The following MARCHF6 variants were observed in gnomAD, a reference collection of about 807,000 sequenced individuals.
MARCHF6 encodes the protein E3 ubiquitin-protein ligase MARCHF6.
In MARCHF6, 31 loss-of-function variants were observed where a neutral mutation model predicts 133.7. The observed-to-expected ratio is 0.23, with a 90% confidence interval of 0.17 to 0.31. The LOEUF (loss-of-function observed/expected upper bound fraction) is 0.31. MARCHF6 is among the 10% of genes least tolerant of loss of function. MARCHF6 has a pLI of 1.00. For missense variants in MARCHF6, 723 were observed against 1,121.6 expected (o/e 0.64, Z 5.08); for synonymous variants, 395 against 402.5 (o/e 0.98, Z 0.22).
intron 2 of MARCHF6, among the ~76,000 whole-genome samples, chr5:10,378,508 T>C (rs1404467054): frequency 1.3e-5 from 2 of 152,194 alleles, no homozygotes; most frequent in Non-Finnish European, 2.9e-5. Flanking sequence ...TCATTTTGCT[T>C]TGAGGAAATT....
chr5:10,405,023 A>G (rs376209436), intron 15 of MARCHF6, among the ~76,000 whole-genome samples: 17 of 152,336 alleles, frequency 1.1e-4, no homozygotes, highest in African/African-American at 3.8e-4. Flanking sequence ...TAGAAATCAC[A>G]CACTGTAACC....
At position 10,353,766 on chromosome 5, in the gene MARCHF6, TCCTCTCGCTTCC is replaced by T; in HGVS notation, c.-132_-121del. 1 of 685,260 alleles carries T rather than the reference TCCTCTCGCTTCC, an allele frequency of 1.5e-6. No homozygotes were observed. Among genetic ancestry groups the T allele is most frequent in the Non-Finnish European group, 2.5e-6 (1 of 407,254 alleles). The allele number at this position is 685,260 out of a possible 1,614,324, so 42.4% of individuals were successfully genotyped here. ...TCTCCCTCTCCCTCTCCCCTCTCCTTCCTCTCGCTTCCTCTCTCGCACCTGAGCGTACGCACC... is the reference window on the plus strand; with the variant it reads ...TCTCCCTCTCCCTCTCCCCTCTCCTTTCTCTCGCACCTGAGCGTACGCACC... On this transcript the variant is annotated 5_prime_UTR_variant, in exon 1 of 26. Transcript: ENST00000274140.
chr5:10,394,068 A>G lies in MARCHF6; in HGVS notation c.767-14A>G. 1.4e-6 allele frequency: 2 copies of G among 1,468,272 alleles called. No homozygotes were observed. Among genetic ancestry groups the G allele is most frequent in the Non-Finnish European group, 1.8e-6 (2 of 1,090,600 alleles). The allele number at this position is 1,468,272 out of a possible 1,614,324, so 91.0% of individuals were successfully genotyped here. On this transcript the variant is annotated splice_polypyrimidine_tract_variant and intron_variant, in intron 7 of 25. Transcript: ENST00000274140. ...TTACTTCAAGTAATCTTTAAATTGC[A>G]ATTATATTTTCAGATGACATGAATT...
chr5:10,406,182 A>C (rs577346702), intron 16 of MARCHF6, among the ~76,000 whole-genome samples: 1 of 152,290 alleles, frequency 6.6e-6, no homozygotes, highest in South Asian at 2.1e-4. Context: ...ATCCCGTTGA[A>C]AACTGTTTTC....
At position 10,433,647 on chromosome 5, in the gene MARCHF6, G is replaced by T. The variant is rs538477547; in HGVS notation, c.2696G>T (p.Gly899Val). 6.2e-7 allele frequency: 1 copy of T among 1,614,192 alleles called. No homozygotes were observed. Among genetic ancestry groups the T allele is most frequent in the African/African-American group, 1.3e-5 (1 of 75,054 alleles). ...TACGAACGGAAATCTGGCAAACAAGGCTCATCTCCACCACCTCCACAGTCA... is the reference window on the plus strand; with the variant it reads ...TACGAACGGAAATCTGGCAAACAAGTCTCATCTCCACCACCTCCACAGTCA... ...VNYERKSGKQ[G>V]SSPPPPQSSQ... The change falls in exon 26 of 26, where the codon GGC becomes GTC. Residue 899 changes from glycine (G) to valine (V), a missense_variant. This residue lies in a region of MARCHF6 where 492 missense variants were observed against 699.5 expected (regional missense o/e 0.70). Transcript: ENST00000274140.
intron 11 of MARCHF6, 92 bp from the exon 12 acceptor site, chr5:10,401,967 T>C (rs1283982073): frequency 1.3e-6 from 1 of 760,992 alleles, no homozygotes; most frequent in South Asian, 1.6e-5. Context: ...TCAACAATTC[T>C]CTTTTAGTCA....
At chr5:10,428,959 C>G (rs933330775) in intron 24 of MARCHF6, among the ~76,000 whole-genome samples, 2 of 152,094 alleles carry the variant, frequency 1.3e-5, no homozygotes, top group African/African-American at 4.8e-5. Flanking sequence ...ACATGTTATT[C>G]TTAGGGTAGC....
At chr5:10,391,419 C>A in intron 6 of MARCHF6, 123 bp from the exon 7 acceptor site, 1 of 666,824 alleles carries the variant, frequency 1.5e-6, no homozygotes, top group Non-Finnish European at 2.4e-6. Flanking sequence ...AGGCATGAGC[C>A]ACTACACCTG....
At chr5:10,371,344 T>G (rs970982224) in intron 1 of MARCHF6, among the ~76,000 whole-genome samples, 5 of 151,994 alleles carry the variant, frequency 3.3e-5, no homozygotes, top group Non-Finnish European at 7.4e-5. Flanking sequence ...GTAGGTGTAT[T>G]AGTCTGTTTT....
chr5:10,381,985 A>G (rs771068671), intron 4 of MARCHF6, 42 bp downstream of exon 4: 8 of 1,557,590 alleles, frequency 5.1e-6, no homozygotes, highest in African/African-American at 1.4e-5. Context: ...TAAACATTGC[A>G]TAACTACTTA....
At chr5:10,413,108 G>A (rs1739321168) in intron 19 of MARCHF6, among the ~76,000 whole-genome samples, 1 of 152,164 alleles carries the variant, frequency 6.6e-6, no homozygotes, top group Non-Finnish European at 1.5e-5. Flanking sequence ...TCCCCTTGAG[G>A]GGCATATCTC....
At chr5:10,375,711 G>A (rs192268567) in intron 1 of MARCHF6, among the ~76,000 whole-genome samples, 20 of 152,356 alleles carry the variant, frequency 1.3e-4, no homozygotes, top group African/African-American at 4.1e-4. Flanking sequence ...CTCAAGGTTT[G>A]TGAGTGCACC....
At chr5:10,353,956 G>A in intron 1 of MARCHF6, 39 bp downstream of exon 1, 1 of 1,532,196 alleles carries the variant, frequency 6.5e-7, no homozygotes, top group Non-Finnish European at 8.7e-7. Flanking sequence ...CCTTGCGTCG[G>A]CGCCCGGGTT....
At chr5:10,386,891 C>T in intron 4 of MARCHF6, 103 bp from the exon 5 acceptor site, 1 of 793,496 alleles carries the variant, frequency 1.3e-6, no homozygotes, top group Non-Finnish European at 2.2e-6. Context: ...ATGTTTATTT[C>T]AGTGGCATTT....
At chr5:10,374,521 G>A (rs1033973058) in intron 1 of MARCHF6, among the ~76,000 whole-genome samples, 1 of 152,130 alleles carries the variant, frequency 6.6e-6, no homozygotes, top group Non-Finnish European at 1.5e-5. Context: ...TGGGAGCGTG[G>A]TTCTATTTTG....
At position 10,415,636 on chromosome 5, in the gene MARCHF6, G is replaced by A. The variant is rs1267739297; in HGVS notation, c.2115G>A (p.Val705=). 2 of 1,614,016 alleles carry A rather than the reference G, an allele frequency of 1.2e-6. No individual in the cohort carries two copies. Among genetic ancestry groups the A allele is most frequent in the Non-Finnish European group, 1.7e-6 (2 of 1,180,026 alleles). Reference sequence around the variant, plus strand: ...CATGGATGCCTCAGGGACGCAGAGTGATCTTCCAGAAGGTTAAAGAGTGGT... The same window carrying A: ...CATGGATGCCTCAGGGACGCAGAGTAATCTTCCAGAAGGTTAAAGAGTGGT... ...MVAWMPQGRR[V]IFQKVKEWSL... The change falls in exon 21 of 26, where the codon GTG becomes GTA. Residue 705 remains valine (V), a synonymous_variant. Coordinates refer to ENST00000274140, the MANE Select transcript of MARCHF6 (RefSeq NM_005885.4).
chr5:10,369,998 A>AAT (rs1736371788), intron 1 of MARCHF6, among the ~76,000 whole-genome samples: 1 of 151,774 alleles, frequency 6.6e-6, no homozygotes, highest in Non-Finnish European at 1.5e-5. Context: ...TATCAGGTTA[A>AAT]ATATATATTA....
At chr5:10,407,294 T>C in intron 17 of MARCHF6, 92 bp downstream of exon 17, 2 of 534,234 alleles carry the variant, frequency 3.7e-6, no homozygotes, top group East Asian at 3.3e-5. Context: ...ACATTTCTTA[T>C]AGTTACTGGA....
chr5:10,427,708 C>T (rs1740163147), intron 24 of MARCHF6, among the ~76,000 whole-genome samples: 2 of 152,064 alleles, frequency 1.3e-5, no homozygotes, highest in African/African-American at 4.8e-5. Flanking sequence ...AGAACTTTTC[C>T]AGCCCTTTGG....
Sources: allele counts gnomAD v4.1 joint callset (sites outside exome capture counted in the v4.1 genomes callset), GRCh38; gene constraint gnomAD v4.1.1; regional missense constraint gnomAD v4.1.1; transcripts MANE v1.5; gene names NCBI Gene and HGNC (gene_info 2026-07-23, HGNC 2026-07-21).